Variants in PPFIA3 observed in about 807,000 individuals in gnomAD.
PPFIA3 encodes the protein PPFI scaffold protein A3.
In PPFIA3, 26 loss-of-function variants were observed where a neutral mutation model predicts 145.8. The ratio of observed to expected loss-of-function variants is 0.18; its 90% CI spans 0.13 to 0.25. PPFIA3 has a LOEUF of 0.25. Ranked by LOEUF, PPFIA3 falls within the 10% of genes least tolerant of loss-of-function variation. The pLI, the probability that PPFIA3 is intolerant of heterozygous loss-of-function variation, is 1.00. For missense variants in PPFIA3, 1,008 were observed against 1,587.8 expected (o/e 0.63, Z 6.21); for synonymous variants, 645 against 661.4 (o/e 0.98, Z 0.38).
intron 1 of PPFIA3, among the ~76,000 whole-genome samples, chr19:49,122,176 G>A (rs1456987825): frequency 1.3e-5 from 2 of 150,590 alleles, no homozygotes; most frequent in Non-Finnish European, 1.5e-5. Flanking sequence ...TGCCTCCCGC[G>A]TTCAAGCGAT....
intron 24 of PPFIA3, 64 bp from the exon 25 acceptor site, chr19:49,148,602 C>T: frequency 7.7e-7 from 1 of 1,305,626 alleles, no homozygotes; most frequent in South Asian, 1.2e-5. Context: ...GGGAGGGACC[C>T]GTAGGAGCAG....
Position 49,136,860 on chromosome 19 carries a change from C to T in PPFIA3, c.1802C>T (p.Thr601Met), listed in dbSNP as rs745933820. 6.3e-6 allele frequency: 10 copies of T among 1,582,206 alleles called. No homozygotes were observed. The highest frequency in any genetic ancestry group is 4.6e-5 in the East Asian group (2 of 43,766). Residue 601 changes from threonine (T) to methionine (M), a missense_variant, in exon 15 of 30, where the codon ACG becomes ATG. By Grantham distance (81) the Thr-to-Met change is moderately conservative. Around this residue, in one of 11 missense-constraint regions of PPFIA3, gnomAD observed 6 missense variants for 25.2 expected, o/e 0.24. Coordinates refer to ENST00000334186, the MANE Select transcript of PPFIA3 (RefSeq NM_003660.4). ...CCCAGTGGGCAGGCTGACGTGCAGA[C>T]GCTGGCCATCATGCTTCAGGAGCAG... ...LSPSGQADVQ[T>M]LAIMLQEQLE...
At chr19:49,135,022 C>T in intron 13 of PPFIA3, 107 bp downstream of exon 13, 1 of 926,754 alleles carries the variant, frequency 1.1e-6, no homozygotes, top group South Asian at 2.1e-5. Flanking sequence ...CTTCTGACCC[C>T]TCTGTTTTTG....
At chr19:49,138,512 C>T in intron 16 of PPFIA3, 85 bp downstream of exon 16, 1 of 1,174,730 alleles carries the variant, frequency 8.5e-7, no homozygotes, top group South Asian at 2.1e-5. Context: ...CAACAATAAC[C>T]CCTCACACCA....
Position 49,127,748 on chromosome 19 carries a change from C to T in PPFIA3, c.-15-111C>T, listed in dbSNP as rs2041020104. 3.0e-6 allele frequency: 4 copies of T among 1,325,226 alleles called. No individual in the cohort carries two copies. The African/African-American group carries it at 6.1e-5, about 20-fold the overall frequency. The allele number at this position is 1,325,226 out of a possible 1,614,324, so 82.1% of individuals were successfully genotyped here. On this transcript the variant is annotated intron_variant, in intron 1 of 29. Coordinates refer to ENST00000334186, the MANE Select transcript of PPFIA3 (RefSeq NM_003660.4). ...GGGCCTCAGTTTCTTCTGTGCAGTG[C>T]TTGGTTTGCCCCCAACTATTTCCCC...
chr19:49,150,236 G>A lies in PPFIA3; in HGVS notation c.*14G>A. The A allele has an allele frequency of 1.6e-6, 2 of 1,224,204 alleles. No homozygotes were observed. Among genetic ancestry groups the A allele is most frequent in the Non-Finnish European group, 2.3e-6 (2 of 869,390 alleles). The allele number at this position is 1,224,204 out of a possible 1,614,324, so 75.8% of individuals were successfully genotyped here. A position where few individuals can be genotyped will look rare whatever the true frequency, so the allele number is the denominator to read the frequency against. ...CCACGCGCTGCCCGGCGTCATGCAG[G>A]TGACCTCACTCGGACGGAAGAATCT... On this transcript the variant is annotated splice_region_variant and 3_prime_UTR_variant, in exon 30 of 30. Coordinates refer to ENST00000334186, the MANE Select transcript of PPFIA3 (RefSeq NM_003660.4).
chr19:49,128,525 G>C lies in PPFIA3; in HGVS notation c.342+57G>C. 6 of 1,445,178 alleles carry C rather than the reference G, an allele frequency of 4.2e-6. No homozygotes were observed. The highest frequency in any genetic ancestry group is 3.9e-6 in the Non-Finnish European group (4 of 1,035,480). The allele number at this position is 1,445,178 out of a possible 1,614,324, so 89.5% of individuals were successfully genotyped here. On this transcript the variant is annotated intron_variant, in intron 3 of 29. Coordinates refer to ENST00000334186, the MANE Select transcript of PPFIA3 (RefSeq NM_003660.4). The surrounding 1 kb of genome is among the most constrained non-coding windows in gnomAD (Gnocchi z 4.1). ...GGGCGGGGCCTCGTGGTGTTGAAGT[G>C]GGGGGCGGGGCCTCTCAGTGTTGCA...
At position 49,128,766 on chromosome 19, in the gene PPFIA3, C is replaced by T; in HGVS notation, c.343-82C>T. On this transcript the variant is annotated intron_variant, in intron 3 of 29. Transcript: ENST00000334186. This position sits in a 1 kb window ranked among gnomAD's most constrained non-coding sequence, Gnocchi z 4.1. ...TGGCTCCATCTTTTCCTCCATGTGT[C>T]CGCCCTACCTGTCACCCTTTTTCTC... 1 of 1,329,454 alleles carries T rather than the reference C, an allele frequency of 7.5e-7. No individual in the cohort carries two copies. Among genetic ancestry groups the T allele is most frequent in the Non-Finnish European group, 1.0e-6 (1 of 973,812 alleles). 82.4% of individuals were successfully genotyped at this position (1,329,454 alleles called of 1,614,324 possible).
Position 49,120,226 on chromosome 19 carries a change from T to TC in PPFIA3, c.-16+510dup, listed in dbSNP as rs2040919519. On this transcript the variant is annotated intron_variant, in intron 1 of 29. Transcript: ENST00000334186. This position sits in a 1 kb window ranked among gnomAD's most constrained non-coding sequence, Gnocchi z 4.6. ...GGTCAGCGCGCTCGGCAGCCTCGCC[T>TC]CCCCCCACCTCCTGCCGCCGCCACC... Among the ~76,000 whole-genome samples, 1 of 150,564 alleles carries TC rather than the reference T, an allele frequency of 6.6e-6. No homozygotes were observed. Among genetic ancestry groups the TC allele is most frequent in the Non-Finnish European group, 1.5e-5 (1 of 67,602 alleles).
Position 49,135,830 on chromosome 19 carries a change from A to T in PPFIA3, c.1572A>T (p.Leu524Phe), listed in dbSNP as rs943993044. 4 of 1,613,390 alleles carry T rather than the reference A, an allele frequency of 2.5e-6. No homozygotes were observed. The highest frequency in any genetic ancestry group is 3.4e-6 in the Non-Finnish European group (4 of 1,179,784). Residue 524 changes from leucine to phenylalanine, a missense_variant, in exon 14 of 30, where the codon TTA (leucine) becomes TTT (phenylalanine). Physicochemically the swap from Leu to Phe is conservative, Grantham distance 22. This residue lies in a region of PPFIA3 where 121 missense variants were observed against 138.2 expected (regional missense o/e 0.88). Coordinates refer to ENST00000334186, the MANE Select transcript of PPFIA3 (RefSeq NM_003660.4). ...LELRYSQAPT[L>F]PSGAHLDPYV... ...TCCGTTACTCTCAGGCACCCACTTT[A>T]CCTTCTGGTGCCCACCTGGATCCCT...
chr19:49,146,700 TG>T (rs1027289791), intron 23 of PPFIA3, among the ~76,000 whole-genome samples: 1 of 152,050 alleles, frequency 6.6e-6, no homozygotes, highest in African/African-American at 2.4e-5. Flanking sequence ...GAGGCTGAGG[TG>T]GGCAGATCAC....
Position 49,128,149 on chromosome 19 carries a change from G to A in PPFIA3, c.240+36G>A, listed in dbSNP as rs1045398330. On this transcript the variant is annotated intron_variant, in intron 2 of 29. Transcript: ENST00000334186. This position sits in a 1 kb window ranked among gnomAD's most constrained non-coding sequence, Gnocchi z 4.1. Reference sequence around the variant, plus strand: ...GACAGGGGCGGGGCATGAGGGGGCGGGGCCTCGGGGGGAAGAAGGCGGTCC... The same window carrying A: ...GACAGGGGCGGGGCATGAGGGGGCGAGGCCTCGGGGGGAAGAAGGCGGTCC... 4.7e-6 allele frequency: 7 copies of A among 1,474,790 alleles called. No homozygotes were observed. In the African/African-American group the frequency reaches 7.0e-5, roughly 15 times the overall value. 91.4% of individuals were successfully genotyped at this position (1,474,790 alleles called of 1,614,324 possible).
At chr19:49,123,859 GTTTAGAACTTGTCCCCT>G (rs1436308412) in intron 1 of PPFIA3, among the ~76,000 whole-genome samples, 23 of 152,142 alleles carry the variant, frequency 1.5e-4, no homozygotes, top group Non-Finnish European at 2.9e-5. Context: ...TGCAGCCTTA[GTTTAGAACTTGTCCCCT>G]GGTGGATCGT....
Position 49,139,841 on chromosome 19 carries a change from G to A in PPFIA3, c.2240+10G>A, listed in dbSNP as rs1190916605. 1.2e-6 allele frequency: 2 copies of A among 1,610,114 alleles called. No homozygotes were observed. On this transcript the variant is annotated intron_variant, in intron 17 of 29. Transcript: ENST00000334186. The stretch of plus-strand genomic sequence containing the variant: ...GACCCCCACGGGGAAGGTCAGCAGG[G>A]ACAAGGGATAGGGACAGGGAGAAGC...
chr19:49,136,237 A>G (rs1168172308), intron 14 of PPFIA3, among the ~76,000 whole-genome samples: 2 of 151,910 alleles, frequency 1.3e-5, no homozygotes, highest in Non-Finnish European at 2.9e-5. Context: ...GCGGGGGTGG[A>G]GTCATGGGTG....
Position 49,145,929 on chromosome 19 carries a change from TC to T in PPFIA3, c.2746-11del. On this transcript the variant is annotated splice_polypyrimidine_tract_variant and intron_variant, in intron 21 of 29. Transcript: ENST00000334186. ...GCCCTCTCCCACCATCCATTAACACTCCCTGCCCCTCAGTCCACAGGAAACG... is the reference window on the plus strand; with the variant it reads ...GCCCTCTCCCACCATCCATTAACACTCCTGCCCCTCAGTCCACAGGAAACG... 6.2e-7 allele frequency: 1 copy of T among 1,613,182 alleles called. No homozygotes were observed.
chr19:49,125,459 G>C (rs770916806), intron 1 of PPFIA3: 1 of 152,322 alleles, frequency 6.6e-6, no homozygotes, highest in Non-Finnish European at 1.5e-5. Context: ...GGAGGGAGCG[G>C]TTCAGGGGGC....
At position 49,128,265 on chromosome 19, in the gene PPFIA3, C is replaced by A; in HGVS notation, c.241-102C>A. On this transcript the variant is annotated intron_variant, in intron 2 of 29. Coordinates refer to ENST00000334186, the MANE Select transcript of PPFIA3 (RefSeq NM_003660.4). The surrounding 1 kb of genome is among the most constrained non-coding windows in gnomAD (Gnocchi z 4.1). Reference sequence around the variant, plus strand: ...GCCTGAGTGGCAAGGGACAGCGGGACTTAGCAGGGAGGGCGGGACCTTCAA... The same window carrying A: ...GCCTGAGTGGCAAGGGACAGCGGGAATTAGCAGGGAGGGCGGGACCTTCAA... 6.6e-7 allele frequency: 1 copy of A among 1,508,518 alleles called. No individual in the cohort carries two copies. Among genetic ancestry groups the A allele is most frequent in the South Asian group, 1.2e-5 (1 of 86,444 alleles). 93.4% of individuals were successfully genotyped at this position (1,508,518 alleles called of 1,614,324 possible). A position where few individuals can be genotyped will look rare whatever the true frequency, so the allele number is the denominator to read the frequency against.
Position 49,138,205 on chromosome 19 carries a change from G to T in PPFIA3, c.1854G>T (p.Lys618Asn). Residue 618 changes from lysine to asparagine, a missense_variant and splice_region_variant, in exon 16 of 30, where the codon AAG (lysine) becomes AAT (asparagine). Transcript: ENST00000334186. Reference protein sequence around the residue: ...EQLEAINKEIKLIQEEKETTE... With the variant: ...EQLEAINKEINLIQEEKETTE... ...CAGTTTCCCCTATTTCCCTCCTCAG[G>T]CTGATCCAAGAGGAGAAGGAGACAA... is the stretch of plus-strand genomic sequence containing the variant. The T allele has an allele frequency of 6.3e-7, 1 of 1,587,112 alleles. No individual in the cohort carries two copies. Among genetic ancestry groups the T allele is most frequent in the Non-Finnish European group, 8.6e-7 (1 of 1,160,266 alleles).
Sources: allele counts gnomAD v4.1 joint callset (sites outside exome capture counted in the v4.1 genomes callset), GRCh38; gene constraint gnomAD v4.1.1; regional missense constraint gnomAD v4.1.1; non-coding constraint Gnocchi (gnomAD v3.1); transcripts MANE v1.5; gene names NCBI Gene and HGNC (gene_info 2026-07-23, HGNC 2026-07-21).